TMC1: variants seen among roughly 807,000 people sequenced by gnomAD.
The protein encoded by TMC1 is transmembrane channel-like protein 1.
In TMC1, 84 loss-of-function variants were observed where a neutral mutation model predicts 105.8. The ratio of observed to expected loss-of-function variants is 0.79; its 90% CI spans 0.67 to 0.95. TMC1 has a LOEUF of 0.95. Ranked by LOEUF, TMC1 falls within the 40% of genes least tolerant of loss-of-function variation. The pLI is 0.00. For missense variants in TMC1, 817 were observed against 914.1 expected, an observed-to-expected ratio of 0.89 and a Z score of 1.37; for synonymous variants, 315 against 311.5, an observed-to-expected ratio of 1.01 and a Z score of -0.12.
intron 6 of TMC1, 119 bp from the exon 7 acceptor site, chr9:72,694,424 G>C: frequency 1.2e-6 from 1 of 823,782 alleles, no homozygotes; most frequent in East Asian, 2.7e-5. Context: ...TCACGATGTG[G>C]AGAATTGCTA....
chr9:72,577,372 G>C (rs1192309103), intron 1 of TMC1, among the ~76,000 whole-genome samples: 1 of 152,332 alleles, frequency 6.6e-6, no homozygotes, highest in South Asian at 2.1e-4. Flanking sequence ...ACACAGGGAC[G>C]GGTGGAGCAA....
At chr9:72,811,404 T>G (rs911097010) in intron 18 of TMC1, among the ~76,000 whole-genome samples, 44 of 152,298 alleles carry the variant, frequency 2.9e-4, no homozygotes, top group African/African-American at 9.6e-4. Flanking sequence ...TGAGCACAGT[T>G]CTCAGTGTTT....
At chr9:72,835,452 C>T (rs1829106956) in intron 23 of TMC1, among the ~76,000 whole-genome samples, 1 of 152,134 alleles carries the variant, frequency 6.6e-6, no homozygotes, top group African/African-American at 2.4e-5. Context: ...TTAATATTAT[C>T]AAATTAGTAC....
intron 4 of TMC1, among the ~76,000 whole-genome samples, chr9:72,641,709 T>A (rs1825631347): frequency 6.6e-6 from 1 of 152,154 alleles, no homozygotes; most frequent in Non-Finnish European, 1.5e-5. Flanking sequence ...TCTCCTTCGT[T>A]TTCTTTCCAG....
rs1462780478 is a variant in TMC1 at position 72,586,784 on chromosome 9, C to T, written c.-306+8761C>T. Among the ~76,000 whole-genome samples, 4 of 152,214 alleles carry T rather than the reference C, an allele frequency of 2.6e-5. No individual in the cohort carries two copies. In the East Asian group the frequency reaches 7.7e-4, roughly 29 times the overall value. ...CTTTGCACCTGCCCTACTTTTCTAC[C>T]TGCTCTCACAATCTTCTTGAGGGTG... On this transcript the variant is annotated intron_variant, in intron 2 of 23. Transcript: ENST00000297784.
intron 4 of TMC1, among the ~76,000 whole-genome samples, chr9:72,647,832 C>T (rs559395768): frequency 1.6e-4 from 23 of 146,670 alleles, no homozygotes; most frequent in Non-Finnish European, 2.8e-4. Context: ...TGCTATCACT[C>T]AAGTAACCAG....
At chr9:72,685,100 CTTTTTT>C (rs71359515) in intron 5 of TMC1, among the ~76,000 whole-genome samples, 253 of 91,042 alleles carry the variant, frequency 2.8e-3, no homozygotes, top group African/African-American at 0.011. Flanking sequence ...TAAAGTCATT[CTTTTTT>C]TTTTTTTTTT....
chr9:72,643,557 CT>C (rs1253913385), intron 4 of TMC1, among the ~76,000 whole-genome samples: 5 of 151,938 alleles, frequency 3.3e-5, no homozygotes, highest in East Asian at 1.9e-4. Flanking sequence ...AGCATGTGCT[CT>C]TTTTTTTGTC....
At chr9:72,814,231 C>A (rs555251583) in intron 18 of TMC1, among the ~76,000 whole-genome samples, 1 of 152,094 alleles carries the variant, frequency 6.6e-6, no homozygotes, top group Non-Finnish European at 1.5e-5. Flanking sequence ...CAGATGGGTA[C>A]GGGCCAACCG....
intron 12 of TMC1, among the ~76,000 whole-genome samples, chr9:72,769,338 C>T (rs1424245143): frequency 2.0e-5 from 3 of 152,178 alleles, no homozygotes; most frequent in Non-Finnish European, 4.4e-5. Flanking sequence ...AAGGGTAAGA[C>T]CAGTGAAGGT....
At chr9:72,829,382 T>C (rs11999588) in intron 21 of TMC1, among the ~76,000 whole-genome samples, 12,152 of 152,204 alleles carry the variant, frequency 0.08, 841 homozygotes, top group African/African-American at 0.19. Flanking sequence ...CATTACAAGG[T>C]AGAAAATCAT....
chr9:72,612,214 A>G (rs574084588), intron 2 of TMC1, among the ~76,000 whole-genome samples: 5 of 152,260 alleles, frequency 3.3e-5, no homozygotes. Flanking sequence ...TCAATTGCCT[A>G]CATAACTTAA....
chr9:72,562,258 T>G (rs1824068405), intron 1 of TMC1, among the ~76,000 whole-genome samples: 1 of 152,162 alleles, frequency 6.6e-6, no homozygotes, highest in South Asian at 2.1e-4. Flanking sequence ...ACACAATTTT[T>G]TTGAGGGTCA....
At chr9:72,559,544 CAG>C (rs927491078) in intron 1 of TMC1, among the ~76,000 whole-genome samples, 11 of 152,122 alleles carry the variant, frequency 7.2e-5, no homozygotes, top group African/African-American at 2.7e-4. Flanking sequence ...CTACAGCACT[CAG>C]TGTTTCTCAT....
intron 18 of TMC1, chr9:72,808,828 T>C (rs1828645272): frequency 6.6e-6 from 1 of 152,224 alleles, no homozygotes; most frequent in Admixed American, 6.5e-5. Context: ...TGCCCTCTAG[T>C]CTCTGGATGA....
intron 18 of TMC1, among the ~76,000 whole-genome samples, chr9:72,814,939 T>TGC (rs1828759969): frequency 7.1e-6 from 1 of 141,410 alleles, no homozygotes; most frequent in Admixed American, 6.9e-5. Flanking sequence ...TGTGTGTGTG[T>TGC]GTGTGTGTTG....
chr9:72,556,651 T>G (rs1823945828), intron 1 of TMC1, among the ~76,000 whole-genome samples: 1 of 151,164 alleles, frequency 6.6e-6, no homozygotes, highest in Non-Finnish European at 1.5e-5. Flanking sequence ...AAACCCCATT[T>G]CTACTGAAAA....
At chr9:72,790,127 G>A (rs75613724) in intron 15 of TMC1, among the ~76,000 whole-genome samples, 2,070 of 152,252 alleles carry the variant, frequency 0.014, 32 homozygotes, top group African/African-American at 0.047. Context: ...ATGATGTGAC[G>A]TCATTTTGAG....
In TMC1 at chr9:72,787,442, T is replaced by C. The variant is rs762459047; in HGVS notation, c.885-897T>C. On this transcript the variant is annotated intron_variant, in intron 13 of 23. Coordinates refer to ENST00000297784, the MANE Select transcript of TMC1 (RefSeq NM_138691.3). ...GTCAGCTTTATGTCATTGTGCCCCTTTCTTCTTTGGGGTTTATATGACTAT... is the reference window on the plus strand; with the variant it reads ...GTCAGCTTTATGTCATTGTGCCCCTCTCTTCTTTGGGGTTTATATGACTAT... Among the ~76,000 whole-genome samples, 9 of 152,290 alleles carry C rather than the reference T, an allele frequency of 5.9e-5. No homozygotes were observed. In the East Asian group the frequency reaches 1.7e-3, roughly 29 times the overall value.
Sources: allele counts gnomAD v4.1 joint callset (sites outside exome capture counted in the v4.1 genomes callset), GRCh38; gene constraint gnomAD v4.1.1; transcripts MANE v1.5; gene names NCBI Gene and HGNC (gene_info 2026-07-23, HGNC 2026-07-21).